ALOX5: variants seen among roughly 807,000 people sequenced by gnomAD.
The protein encoded by ALOX5 is polyunsaturated fatty acid 5-lipoxygenase.
In ALOX5, 64 loss-of-function variants were observed where a neutral mutation model predicts 87.9. The observed-to-expected ratio is 0.73, with a 90% CI of 0.60 to 0.90. The LOEUF is 0.90. Among genes scored for constraint, ALOX5 ranks in the 40% least tolerant of loss-of-function variants. ALOX5 has a pLI of 0.00. For synonymous variants in ALOX5, 388 were observed against 355.1 expected, an observed-to-expected ratio of 1.09 and a Z score of -1.04; for missense variants, 822 against 907.5, an observed-to-expected ratio of 0.91 and a Z score of 1.21.
rs551667819 is a variant in ALOX5 at position 45,425,580 on chromosome 10, G to A, written c.834+448G>A. Among the ~76,000 whole-genome samples, 1 of 152,318 alleles carries A rather than the reference G, an allele frequency of 6.6e-6. No homozygotes were observed. Among genetic ancestry groups the A allele is most frequent in the Admixed American group, 6.5e-5 (1 of 15,306 alleles). On this transcript the variant is annotated intron_variant, in intron 6 of 13. Transcript: ENST00000374391. This position sits in a 1 kb window ranked among gnomAD's most constrained non-coding sequence, Gnocchi z 4.4. ...GGCACGAGGAGAAACCCAACAGAATGGTTGATTTTCTCGTTAGAAATGCTG... is the reference window on the plus strand; with the variant it reads ...GGCACGAGGAGAAACCCAACAGAATAGTTGATTTTCTCGTTAGAAATGCTG...
rs1841680073 is a variant in ALOX5, at chr10:45,425,704, A to C, written c.834+572A>C. ...CCTAGTCTTGAGACAGAAGAAGTTCAAACCAACTCCACCTGGATCTGGTGG... is the reference window on the plus strand; with the variant it reads ...CCTAGTCTTGAGACAGAAGAAGTTCCAACCAACTCCACCTGGATCTGGTGG... On this transcript the variant is annotated intron_variant, in intron 6 of 13. Transcript: ENST00000374391. This position sits in a 1 kb window ranked among gnomAD's most constrained non-coding sequence, Gnocchi z 4.4. Among the ~76,000 whole-genome samples, 1 of 152,146 alleles carries C rather than the reference A, an allele frequency of 6.6e-6. No individual in the cohort carries two copies. Among genetic ancestry groups the C allele is most frequent in the Non-Finnish European group, 1.5e-5 (1 of 68,032 alleles).
intron 3 of ALOX5, among the ~76,000 whole-genome samples, chr10:45,401,609 A>G (rs1243554476): frequency 6.6e-6 from 1 of 152,150 alleles, no homozygotes; most frequent in East Asian, 1.9e-4. Context: ...TCTAGTTTCT[A>G]TGTACTATTC....
chr10:45,405,738 C>A, intron 3 of ALOX5, among the ~76,000 whole-genome samples: 1 of 121,590 alleles, frequency 8.2e-6, no homozygotes, highest in Non-Finnish European at 1.6e-5. Flanking sequence ...CATTCATCTA[C>A]CTTTTTTTTT....
intron 7 of ALOX5, among the ~76,000 whole-genome samples, chr10:45,430,788 C>G (rs995443504): frequency 6.6e-6 from 1 of 151,758 alleles, no homozygotes; most frequent in African/African-American, 2.4e-5. Flanking sequence ...TGATTGGAAA[C>G]AGACCTACAC....
intron 4 of ALOX5, 101 bp from the exon 5 acceptor site, chr10:45,423,940 G>T: frequency 2.3e-6 from 2 of 870,882 alleles, no homozygotes; most frequent in African/African-American, 1.7e-5. Context: ...CTGCCTGGAG[G>T]GGGCGGGGGT....
chr10:45,396,701 A>G (rs558702051), intron 3 of ALOX5, among the ~76,000 whole-genome samples: 1 of 152,374 alleles, frequency 6.6e-6, no homozygotes, highest in African/African-American at 2.4e-5. Context: ...AAGAAATAGA[A>G]GGAACACTTC....
intron 6 of ALOX5, chr10:45,428,211 C>T (rs1841797816): frequency 6.4e-6 from 1 of 157,000 alleles, no homozygotes; most frequent in Non-Finnish European, 1.4e-5. Flanking sequence ...CCTGTCCTGG[C>T]TCTGACTGGG....
chr10:45,408,424 G>A (rs1262580825), intron 3 of ALOX5, among the ~76,000 whole-genome samples: 1 of 152,204 alleles, frequency 6.6e-6, no homozygotes, highest in East Asian at 1.9e-4. Flanking sequence ...TTTCTGATTG[G>A]CAACTGCTTA....
rs1839862453 is a variant in ALOX5 at position 45,382,413 on chromosome 10, A to C, written c.151-70A>C. 3.2e-6 allele frequency: 5 copies of C among 1,574,786 alleles called. No individual in the cohort carries two copies. In the Admixed American group the frequency reaches 8.4e-5, roughly 26 times the overall value. On this transcript the variant is annotated intron_variant, in intron 1 of 13. Transcript: ENST00000374391. Reference sequence around the variant, plus strand: ...CACAGCAGCATACCTTGGGGTGACAAATTCTTAACACCTCCAGAACAAAGG... The same window carrying C: ...CACAGCAGCATACCTTGGGGTGACACATTCTTAACACCTCCAGAACAAAGG...
At chr10:45,436,509 TCC>T (rs1842064999) in intron 7 of ALOX5, among the ~76,000 whole-genome samples, 1 of 152,234 alleles carries the variant, frequency 6.6e-6, no homozygotes, top group African/African-American at 2.4e-5. Flanking sequence ...GAATAGGATG[TCC>T]TTTCCTTATT....
chr10:45,394,027 T>TC (rs1242178275), intron 2 of ALOX5, among the ~76,000 whole-genome samples: 2 of 152,122 alleles, frequency 1.3e-5, no homozygotes, highest in Admixed American at 1.3e-4. Flanking sequence ...ATGGCCATAC[T>TC]CCCAAGGTAA....
chr10:45,382,740 C>T (rs1350395849), intron 2 of ALOX5, 59 bp downstream of exon 2: 2 of 1,547,996 alleles, frequency 1.3e-6, no homozygotes, highest in African/African-American at 2.7e-5. Flanking sequence ...TTCTTCCTGT[C>T]CTCAAAGCAC....
At chr10:45,391,297 G>A (rs1439582543) in intron 2 of ALOX5, among the ~76,000 whole-genome samples, 1 of 152,212 alleles carries the variant, frequency 6.6e-6, no homozygotes, top group Non-Finnish European at 1.5e-5. Flanking sequence ...GTTTCGCTGT[G>A]TTGGCCAGGC....
At chr10:45,393,198 T>C (rs1240416180) in intron 2 of ALOX5, among the ~76,000 whole-genome samples, 2 of 151,800 alleles carry the variant, frequency 1.3e-5, no homozygotes, top group Admixed American at 6.6e-5. Context: ...GATGCAAAAA[T>C]CCTCAATAAA....
chr10:45,392,946 T>C (rs896060786), intron 2 of ALOX5, among the ~76,000 whole-genome samples: 2 of 152,152 alleles, frequency 1.3e-5, no homozygotes, highest in Non-Finnish European at 2.9e-5. Context: ...GGCTCTGAAA[T>C]TGAGGCAATA....
At chr10:45,424,769 G>T (rs1841635822) in intron 5 of ALOX5, among the ~76,000 whole-genome samples, 191 bp from the exon 6 acceptor site, 5 of 152,230 alleles carry the variant, frequency 3.3e-5, no homozygotes, top group Admixed American at 3.3e-4. Context: ...GGCCAGCTCA[G>T]GTATGATGAG....
chr10:45,422,699 G>A (rs1841545268), intron 4 of ALOX5, among the ~76,000 whole-genome samples: 3 of 152,216 alleles, frequency 2.0e-5, no homozygotes. Flanking sequence ...AACAGAGACA[G>A]CATCACTCCA....
At chr10:45,406,850 C>G (rs756428489) in intron 3 of ALOX5, among the ~76,000 whole-genome samples, 1 of 152,146 alleles carries the variant, frequency 6.6e-6, no homozygotes, top group Non-Finnish European at 1.5e-5. Context: ...CACTGATATT[C>G]TTTTCTTATT....
At chr10:45,432,346 T>C (rs1225538170) in intron 7 of ALOX5, among the ~76,000 whole-genome samples, 1 of 143,174 alleles carries the variant, frequency 7.0e-6, no homozygotes, top group East Asian at 2.0e-4. Context: ...GGCAACAGAG[T>C]AAGACCCTAT....
Sources: allele counts gnomAD v4.1 joint callset (sites outside exome capture counted in the v4.1 genomes callset), GRCh38; gene constraint gnomAD v4.1.1; non-coding constraint Gnocchi (gnomAD v3.1); transcripts MANE v1.5; gene names NCBI Gene and HGNC (gene_info 2026-07-23, HGNC 2026-07-21).